SCARA3: variants seen among roughly 807,000 people sequenced by gnomAD.
The protein encoded by SCARA3 is cellular stress response gene protein.
A neutral mutation model predicts 47.0 loss-of-function variants in SCARA3; 39 were observed. The observed-to-expected ratio is 0.83, with a 90% confidence interval of 0.64 to 1.08. The LOEUF is 1.08. SCARA3 is among the 50% of genes least tolerant of loss of function. The pLI is 0.00. For synonymous variants in SCARA3, 356 were observed against 334.1 expected (o/e 1.07, Z -0.71); for missense variants, 724 against 792.3 (o/e 0.91, Z 1.04).
At chr8:27,717,003 C>A in the SCARA3 span, among the ~76,000 whole-genome samples, 4 of 152,098 alleles carry the variant, frequency 2.6e-5, no homozygotes, top group African/African-American at 9.7e-5. Flanking sequence ...GTGCAAGAAT[C>A]TAAATTTCAG....
Position 27,634,184 on chromosome 8 carries a change from C to A in SCARA3, c.-17C>A. On this transcript the variant is annotated 5_prime_UTR_variant, in exon 1 of 6. Coordinates refer to ENST00000301904, the MANE Select transcript of SCARA3 (RefSeq NM_016240.3). Reference sequence around the variant, plus strand: ...CGCCTGCAGCGGGGCCCTCCTGAGGCCCCAGAGGAAGAGACCATGAAAGGT... The same window carrying A: ...CGCCTGCAGCGGGGCCCTCCTGAGGACCCAGAGGAAGAGACCATGAAAGGT... The A allele has an allele frequency of 2.8e-6, 4 of 1,428,438 alleles. No homozygotes were observed. The highest frequency in any genetic ancestry group is 3.6e-6 in the Non-Finnish European group (4 of 1,096,244). The allele number at this position is 1,428,438 out of a possible 1,614,324, so 88.5% of individuals were successfully genotyped here.
In SCARA3 at chr8:27,651,661, G is replaced by C. The variant is rs188267321; in HGVS notation, c.226+34G>C. On this transcript the variant is annotated intron_variant, in intron 3 of 5. Coordinates refer to ENST00000301904, the MANE Select transcript of SCARA3 (RefSeq NM_016240.3). ...GGGGCTTTCCCACCCCGGGCTGCAG[G>C]GGGGTGTCTGATCAGGGATCCAGCA... is the stretch of plus-strand genomic sequence containing the variant. 2.6e-3 allele frequency: 4,188 copies of C among 1,610,040 alleles called. 4 individuals are homozygous for C. The highest frequency in any genetic ancestry group is 3.2e-3 in the Non-Finnish European group (3,796 of 1,178,332).
chr8:27,659,387 T>A lies in SCARA3; in HGVS notation c.1217T>A (p.Met406Lys). ...TACCTGAACAAGTCTGTCTCCATCA[T>A]GCTGGGCACCACAGACCTGCTCCGG... Reference protein sequence around the residue: ...LYYLNKSVSIMLGTTDLLRER... With the variant: ...LYYLNKSVSIKLGTTDLLRER... Residue 406 changes from methionine (M) to lysine (K), a missense_variant, in exon 5 of 6, where the codon ATG becomes AAG. Physicochemically the swap from Met to Lys is moderately conservative, Grantham distance 95. Coordinates refer to ENST00000301904, the MANE Select transcript of SCARA3 (RefSeq NM_016240.3). The A allele has an allele frequency of 6.2e-7, 1 of 1,614,090 alleles. No homozygotes were observed. Among genetic ancestry groups the A allele is most frequent in the Non-Finnish European group, 8.5e-7 (1 of 1,179,980 alleles).
intron 1 of SCARA3, among the ~76,000 whole-genome samples, chr8:27,649,174 A>G (rs553004): frequency 0.18 from 28,012 of 152,112 alleles, 3,172 homozygotes; most frequent in Middle Eastern, 0.33. Flanking sequence ...TGACACCCTG[A>G]TGGGTCCTAG....
chr8:27,660,343 A>T (rs1248984117), intron 5 of SCARA3, among the ~76,000 whole-genome samples: 5 of 152,184 alleles, frequency 3.3e-5, no homozygotes, highest in Non-Finnish European at 7.4e-5. Flanking sequence ...AATAGTGTAT[A>T]GAGATGATAG....
the SCARA3 span, among the ~76,000 whole-genome samples, chr8:27,699,328 G>T: frequency 2.0e-5 from 3 of 150,660 alleles, no homozygotes; most frequent in East Asian, 3.9e-4. Context: ...AATCCCAGCA[G>T]CCTTATTTTT....
intron 5 of SCARA3, among the ~76,000 whole-genome samples, chr8:27,660,838 C>CTAGA (rs1206217264): frequency 2.2e-3 from 111 of 49,792 alleles, no homozygotes; most frequent in South Asian, 8.6e-3. Context: ...AGATAGCTAG[C>CTAGA]TAGCTAGATA....
At chr8:27,691,719 G>A in the SCARA3 span, among the ~76,000 whole-genome samples, 1 of 151,984 alleles carries the variant, frequency 6.6e-6, no homozygotes, top group African/African-American at 2.4e-5. Context: ...ATTTCCTTGT[G>A]TGTCCTATGA....
chr8:27,724,846 G>A, the SCARA3 span, among the ~76,000 whole-genome samples: 5 of 152,168 alleles, frequency 3.3e-5, no homozygotes. Flanking sequence ...AAGGAATTAT[G>A]TTCAAGGAAA....
chr8:27,705,682 C>G, the SCARA3 span, among the ~76,000 whole-genome samples: 1 of 152,246 alleles, frequency 6.6e-6, no homozygotes, highest in Non-Finnish European at 1.5e-5. Context: ...GTGCATACAA[C>G]AGCAATCAAA....
the SCARA3 span, chr8:27,702,975 C>T: frequency 9.2e-5 from 14 of 152,478 alleles, no homozygotes; most frequent in African/African-American, 2.9e-4. Context: ...TTTTCACACT[C>T]GCAGCTCTCC....
At position 27,659,351 on chromosome 8, in the gene SCARA3, AGGAG is replaced by A; in HGVS notation, c.1182_1185del (p.Glu394AspfsTer5). 1 of 1,614,120 alleles carries A rather than the reference AGGAG, an allele frequency of 6.2e-7. No homozygotes were observed. On this transcript the variant is annotated frameshift_variant, in exon 5 of 6. Transcript: ENST00000301904. LOFTEE classifies it high-confidence loss of function. ...ACGCTGGGCTTCCACACCCATGCCG[AGGAG>A]CTCTACTACCTGAACAAGTCTGTCT...
the SCARA3 span, among the ~76,000 whole-genome samples, chr8:27,685,933 G>C: frequency 4.6e-5 from 7 of 152,248 alleles, no homozygotes; most frequent in South Asian, 1.2e-3. Flanking sequence ...AGGTGGGGGG[G>C]AAATGTGTAC....
chr8:27,732,232 TTG>T, the SCARA3 span, among the ~76,000 whole-genome samples: 1 of 152,222 alleles, frequency 6.6e-6, no homozygotes, highest in Non-Finnish European at 1.5e-5. Context: ...GGAGAATTCC[TTG>T]TGTTTTTTTT....
chr8:27,704,602 G>A, the SCARA3 span, among the ~76,000 whole-genome samples: 17 of 152,234 alleles, frequency 1.1e-4, 1 homozygote, highest in Middle Eastern at 0.017. Flanking sequence ...CTTCAGGTCC[G>A]TGTGAAAGAC....
chr8:27,695,702 C>A, the SCARA3 span, among the ~76,000 whole-genome samples: 1,324 of 151,748 alleles, frequency 8.7e-3, 12 homozygotes, highest in Non-Finnish European at 0.014. Context: ...TAAAAAAGAA[C>A]AAATGGAAAT....
At chr8:27,718,889 T>G in the SCARA3 span, among the ~76,000 whole-genome samples, 1 of 152,270 alleles carries the variant, frequency 6.6e-6, no homozygotes, top group East Asian at 1.9e-4. Flanking sequence ...CTTTTGAAAG[T>G]GAAAAAACAA....
rs142487784 is a variant in SCARA3, at chr8:27,658,766, C to T, written c.596C>T (p.Thr199Ile). 1 of 1,614,102 alleles carries T rather than the reference C, an allele frequency of 6.2e-7. No individual in the cohort carries two copies. Among genetic ancestry groups the T allele is most frequent in the South Asian group, 1.1e-5 (1 of 91,074 alleles). Reference protein sequence around the residue: ...LAQVRGWQATTAGLDLSLKDL... With the variant: ...LAQVRGWQATIAGLDLSLKDL... The stretch of plus-strand genomic sequence containing the variant: ...CAGGTGAGAGGCTGGCAGGCCACCA[C>T]AGCTGGCCTGGACCTCTCTCTGAAG... The change falls in exon 5 of 6, where the codon ACA (threonine) becomes ATA (isoleucine). Residue 199 changes from threonine (T) to isoleucine (I), a missense_variant. Thr to Ile is a moderately conservative substitution (Grantham distance 89, BLOSUM62 -1). Transcript: ENST00000301904.
At chr8:27,705,858 CA>C in the SCARA3 span, among the ~76,000 whole-genome samples, 1 of 152,086 alleles carries the variant, frequency 6.6e-6, no homozygotes, top group African/African-American at 2.4e-5. Context: ...TAAGAAGGAA[CA>C]TCTAAGTTGA....
Sources: gnomAD v4.1 joint callset for allele counts (sites outside exome capture counted in the v4.1 genomes callset) on GRCh38, gnomAD v4.1.1 for gene constraint, MANE v1.5 for transcripts, NCBI Gene and HGNC (gene_info 2026-07-23, HGNC 2026-07-21) for gene names.